TCHH: variants seen among roughly 807,000 people sequenced by gnomAD.
TCHH encodes the protein trichohyalin.
TCHH carries 6 observed loss-of-function variants against 6.3 expected under a neutral mutation model. The observed-to-expected ratio is 0.95, with a 90% CI of 0.52 to 1.88. The LOEUF is 1.88. Ranked by LOEUF, TCHH falls within the 40% of genes most tolerant of loss-of-function variation. The pLI is 0.01. For missense variants in TCHH, 2,920 were observed against 2,449.1 expected, an observed-to-expected ratio of 1.19 and a Z score of -4.06; for synonymous variants, 1,087 against 963.6, an observed-to-expected ratio of 1.13 and a Z score of -2.37.
rs757065975 is a variant in TCHH, at chr1:152,108,850, C to G, written c.4367G>C (p.Arg1456Pro). Residue 1456 changes from arginine to proline, a missense_variant, in exon 3 of 3, where the codon CGC becomes CCC. Transcript: ENST00000614923. ...GCGGAATTTTCTGTGACGCTCCTGG[C>G]GCAGCTGCTGTTCCTCCTCCAGGAA... ...RKFLEEEQQL[R>P]QERHRKFREE... 7.5e-6 allele frequency: 12 copies of G among 1,610,688 alleles called. No individual in the cohort carries two copies. The highest frequency in any genetic ancestry group is 1.0e-5 in the Non-Finnish European group (12 of 1,179,416).
chr1:152,111,164 G>A lies in TCHH; in HGVS notation c.2053C>T (p.Leu685=). 2 of 1,613,816 alleles carry A rather than the reference G, an allele frequency of 1.2e-6. No homozygotes were observed. The highest frequency in any genetic ancestry group is 1.7e-6 in the Non-Finnish European group (2 of 1,180,014). ...EHEEERREQE[L]AEEEQEQARE... ...GCCTGTTCCTGCTCCTCCTCAGCTA[G>A]CTCCTGCTCGCGCCTCTCTTCCTCA... The change falls in exon 3 of 3, where the codon CTA becomes TTA. Residue 685 remains leucine (L), a synonymous_variant. Coordinates refer to ENST00000614923, the MANE Select transcript of TCHH (RefSeq NM_007113.4).
At position 152,112,361 on chromosome 1, in the gene TCHH, G is replaced by A. The variant is rs749640421; in HGVS notation, c.856C>T (p.Leu286=). The change falls in exon 3 of 3, where the codon CTG becomes TTG. Residue 286 remains leucine (L), a synonymous_variant. Coordinates refer to ENST00000614923, the MANE Select transcript of TCHH (RefSeq NM_007113.4). ...EQLRKLERQE[L]RRERQEEEQQ... Reference sequence around the variant, plus strand: ...TCTTCCTCCTGGCGCTCCCTCCTCAGCTCTTGCCGCTCCAGCTTCCGTAGC... The same window carrying A: ...TCTTCCTCCTGGCGCTCCCTCCTCAACTCTTGCCGCTCCAGCTTCCGTAGC... The A allele has an allele frequency of 1.9e-6, 3 of 1,613,432 alleles. No individual in the cohort carries two copies. Among genetic ancestry groups the A allele is most frequent in the Admixed American group, 1.7e-5 (1 of 59,986 alleles).
intron 2 of TCHH, 85 bp downstream of exon 2, chr1:152,113,858 A>T: frequency 1.3e-6 from 2 of 1,501,186 alleles, no homozygotes; most frequent in South Asian, 1.3e-5. Flanking sequence ...ATGAATATAA[A>T]ACCACCATTC....
At position 152,112,500 on chromosome 1, in the gene TCHH, C is replaced by T. The variant is rs767481142; in HGVS notation, c.717G>A (p.Gln239=). The T allele has an allele frequency of 6.2e-7, 1 of 1,613,502 alleles. No homozygotes were observed. The highest frequency in any genetic ancestry group is 8.5e-7 in the Non-Finnish European group (1 of 1,179,970). The part of the protein sequence containing the change: ...QRRERQDRVF[Q]EEEEKEWRKR... Reference sequence around the variant, plus strand: ...TCCTCCACTCTTTCTCTTCTTCCTCCTGGAACACTCTGTCTTGCCGCTCTC... The same window carrying T: ...TCCTCCACTCTTTCTCTTCTTCCTCTTGGAACACTCTGTCTTGCCGCTCTC... The change falls in exon 3 of 3, where the codon CAG becomes CAA. Residue 239 remains glutamine (Q), a synonymous_variant. Coordinates refer to ENST00000614923, the MANE Select transcript of TCHH (RefSeq NM_007113.4).
Position 152,108,455 on chromosome 1 carries a change from C to T in TCHH, c.4762G>A (p.Val1588Met). 3.1e-6 allele frequency: 5 copies of T among 1,594,490 alleles called. No individual in the cohort carries two copies. The highest frequency in any genetic ancestry group is 4.3e-6 in the Non-Finnish European group (5 of 1,171,510). ...TTTCTCTCTTGTTCCTGGCGGCGCA[C>T]TTTCTGTTCCTCTAAACGGAATTTT... Reference protein sequence around the residue: ...DRKFRLEEQKVRRQEQERKFM... With the variant: ...DRKFRLEEQKMRRQEQERKFM... The change falls in exon 3 of 3, where the codon GTG becomes ATG. Residue 1588 changes from valine to methionine, a missense_variant. Physicochemically the swap from Val to Met is conservative, Grantham distance 21 (BLOSUM62 1). Transcript: ENST00000614923.
In TCHH at chr1:152,112,196, G is replaced by A. The variant is rs1658396667; in HGVS notation, c.1021C>T (p.Arg341Cys). The change falls in exon 3 of 3, where the codon CGC becomes TGC. Residue 341 changes from arginine (R) to cysteine (C), a missense_variant. Arg to Cys is a radical substitution (Grantham distance 180). Transcript: ENST00000614923. ...TGCTCGCGCCTCTCCTCCTGCTCGC[G>A]CCTCAGCTGCTGCTCGCGCCTCTCC... The part of the protein sequence containing the change: ...QEERREQQLR[R>C]EQEERREQQL... 6.3e-7 allele frequency: 1 copy of A among 1,577,476 alleles called. No homozygotes were observed.
rs992090925 is a variant in TCHH, at chr1:152,107,142, C to G, written c.*243G>C. 16 of 395,278 alleles carry G rather than the reference C, an allele frequency of 4.0e-5. No individual in the cohort carries two copies. The highest frequency in any genetic ancestry group is 5.4e-5 in the Non-Finnish European group (12 of 223,732). The allele number at this position is 395,278 out of a possible 1,614,324, so 24.5% of individuals were successfully genotyped here. ...GATTTATATTTTTTTTAAATGCACA[C>G]CACATCTGCATCAAAGAGCAAAAGA... On this transcript the variant is annotated 3_prime_UTR_variant, in exon 3 of 3. Coordinates refer to ENST00000614923, the MANE Select transcript of TCHH (RefSeq NM_007113.4).
Position 152,112,328 on chromosome 1 carries a change from G to A in TCHH, c.889C>T (p.Gln297Ter), listed in dbSNP as rs2101533481. 6.2e-7 allele frequency: 1 copy of A among 1,612,798 alleles called. No homozygotes were observed. Among genetic ancestry groups the A allele is most frequent in the East Asian group, 2.2e-5 (1 of 44,814 alleles). Residue 297 changes from glutamine to a stop codon, truncating the protein, a stop_gained, in exon 3 of 3, where the codon CAG becomes TAG. Coordinates refer to ENST00000614923, the MANE Select transcript of TCHH (RefSeq NM_007113.4). LOFTEE classifies it low-confidence loss of function (END_TRUNC). Reference protein sequence around the residue: ...RRERQEEEQQQQRLRREQQLR... With the variant: ...RRERQEEEQQ The stretch of plus-strand genomic sequence containing the variant: ...TGCTGCTCGCGCCTCAGCCTTTGCT[G>A]CTGCTGCTCTTCCTCCTGGCGCTCC...
At position 152,112,626 on chromosome 1, in the gene TCHH, T is replaced by A. The variant is rs1658417903; in HGVS notation, c.591A>T (p.Lys197Asn). 4 of 1,613,698 alleles carry A rather than the reference T, an allele frequency of 2.5e-6. No individual in the cohort carries two copies. The highest frequency in any genetic ancestry group is 3.4e-6 in the Non-Finnish European group (4 of 1,179,980). ...CTGGAAACTCCTCAGTTTCGTGACCTTTGCAACTCTGCAGCTGCTCTTCCT... is the reference window on the plus strand; with the variant it reads ...CTGGAAACTCCTCAGTTTCGTGACCATTGCAACTCTGCAGCTGCTCTTCCT... ...RAEEEQLQSCKGHETEEFPDE... is the reference protein window; with the variant it reads ...RAEEEQLQSCNGHETEEFPDE... Residue 197 changes from lysine to asparagine, a missense_variant, in exon 3 of 3, where the codon AAA (lysine) becomes AAT (asparagine). Physicochemically the swap from Lys to Asn is moderately conservative, Grantham distance 94. Coordinates refer to ENST00000614923, the MANE Select transcript of TCHH (RefSeq NM_007113.4).
chr1:152,110,397 T>C lies in TCHH; in HGVS notation c.2820A>G (p.Glu940=). 1 of 1,613,908 alleles carries C rather than the reference T, an allele frequency of 6.2e-7. No individual in the cohort carries two copies. ...CCCGTTCCTCTCTCAGCAGCTGCTC[T>C]TCCTCCTGCTGCAGCTGCTCTTCCT... ...YREEEQLQQE[E]EQLLREEREK... The change falls in exon 3 of 3, where the codon GAA becomes GAG. Residue 940 remains glutamate, a synonymous_variant. Transcript: ENST00000614923.
rs766064561 is a variant in TCHH at position 152,111,202 on chromosome 1, A to C, written c.2015T>G (p.Leu672Arg). ...EEEEERLEQRLKREHEEERRE... is the reference protein window; with the variant it reads ...EEEEERLEQRRKREHEEERRE... ...CCTCTCTTCCTCATGCTCGCGCTTCAGCCGCTGCTCGAGCCTCTCTTCCTC... is the reference window on the plus strand; with the variant it reads ...CCTCTCTTCCTCATGCTCGCGCTTCCGCCGCTGCTCGAGCCTCTCTTCCTC... The change falls in exon 3 of 3, where the codon CTG (leucine) becomes CGG (arginine). Residue 672 changes from leucine (L) to arginine (R), a missense_variant. Transcript: ENST00000614923. The C allele has an allele frequency of 3.1e-6, 5 of 1,609,416 alleles. No homozygotes were observed. The highest frequency in any genetic ancestry group is 1.7e-5 in the Admixed American group (1 of 59,608).
rs374719804 is a variant in TCHH at position 152,111,264 on chromosome 1, C to G, written c.1953G>C (p.Gln651His). The G allele has an allele frequency of 1.7e-5, 28 of 1,605,282 alleles. No homozygotes were observed. Among genetic ancestry groups the G allele is most frequent in the Non-Finnish European group, 2.3e-5 (27 of 1,175,350 alleles). The change falls in exon 3 of 3, where the codon CAG becomes CAC. Residue 651 changes from glutamine to histidine, a missense_variant. Physicochemically the swap from Gln to His is conservative, Grantham distance 24. Transcript: ENST00000614923. Reference protein sequence around the residue: ...ERRQQQLRREQQERREQRLKR... With the variant: ...ERRQQQLRREHQERREQRLKR... Reference sequence around the variant, plus strand: ...TCAGCCGCTGCTCGCGCCTTTCCTGCTGCTCGCGCCTTAGTTGCTGCTGGC... The same window carrying G: ...TCAGCCGCTGCTCGCGCCTTTCCTGGTGCTCGCGCCTTAGTTGCTGCTGGC...
Position 152,113,114 on chromosome 1 carries a change from A to G in TCHH, c.139-36T>C, listed in dbSNP as rs758162880. The G allele has an allele frequency of 3.3e-6, 5 of 1,534,430 alleles. No individual in the cohort carries two copies. The Admixed American group carries it at 8.2e-5, about 25-fold the overall frequency. On this transcript the variant is annotated intron_variant, in intron 2 of 2. Coordinates refer to ENST00000614923, the MANE Select transcript of TCHH (RefSeq NM_007113.4). ...GGTGAAAACAAAAATTTTACAATGC[A>G]CTATTTACAGGTGGTAAAATTATAT... is the stretch of plus-strand genomic sequence containing the variant.
In TCHH at chr1:152,111,056, A is replaced by G; in HGVS notation, c.2161T>C (p.Ser721Pro). 2 of 1,613,250 alleles carry G rather than the reference A, an allele frequency of 1.2e-6. No homozygotes were observed. Among genetic ancestry groups the G allele is most frequent in the Middle Eastern group, 3.3e-4 (2 of 6,062 alleles). The change falls in exon 3 of 3, where the codon TCG (serine) becomes CCG (proline). Residue 721 changes from serine to proline, a missense_variant. Coordinates refer to ENST00000614923, the MANE Select transcript of TCHH (RefSeq NM_007113.4). ...EADARQSKVY[S>P]RPRKQEGQRR... ...TGCCCTTCCTGCTTGCGGGGCCTCG[A>G]GTAGACTTTGCTTTGCCGTGCGTCG...
chr1:152,111,720 C>G lies in TCHH; in HGVS notation c.1497G>C (p.Gln499His), dbSNP rs1557812106. The G allele has an allele frequency of 1.2e-6, 2 of 1,601,118 alleles. No individual in the cohort carries two copies. Among genetic ancestry groups the G allele is most frequent in the Admixed American group, 3.4e-5 (2 of 58,810 alleles). The change falls in exon 3 of 3, where the codon CAG becomes CAC. Residue 499 changes from glutamine (Q) to histidine (H), a missense_variant. Gln to His is a conservative substitution (Grantham distance 24, BLOSUM62 0). Coordinates refer to ENST00000614923, the MANE Select transcript of TCHH (RefSeq NM_007113.4). ...TTAGTTGCTGCTCGCGCCTCTCCTG[C>G]TGCTCGCGCCTCTCCTCCTCCTCGA... ...LKLEEEERRE[Q>H]QERREQQLRR...
chr1:152,114,600 G>A (rs943795600), intron 1 of TCHH, among the ~76,000 whole-genome samples: 1 of 152,172 alleles, frequency 6.6e-6, no homozygotes, highest in African/African-American at 2.4e-5. Flanking sequence ...AAGGGAATAT[G>A]AATGATTCCT....
rs958518753 is a variant in TCHH at position 152,109,778 on chromosome 1, G to A, written c.3439C>T (p.Gln1147Ter). 1 of 1,580,836 alleles carries A rather than the reference G, an allele frequency of 6.3e-7. No homozygotes were observed. The highest frequency in any genetic ancestry group is 1.4e-5 in the African/African-American group (1 of 72,964). ...CTCAGCAGCTGCTCTTCCTCCTGCT[G>A]CACCTCCTCTTCCTCCCGATATTGC... ...ERQYREEEEV[Q>*]QEEEQLLREE... Residue 1147 changes from glutamine to a stop codon, truncating the protein, a stop_gained, in exon 3 of 3, where the codon CAG (glutamine) becomes TAG (stop). Coordinates refer to ENST00000614923, the MANE Select transcript of TCHH (RefSeq NM_007113.4). LOFTEE classifies it low-confidence loss of function (END_TRUNC).
rs1327735049 is a variant in TCHH at position 152,108,465 on chromosome 1, C to T, written c.4752G>A (p.Glu1584=). The stretch of plus-strand genomic sequence containing the variant: ...GTTCCTGGCGGCGCACTTTCTGTTC[C>T]TCTAAACGGAATTTTCTGTCACGCT... The part of the protein sequence containing the change: ...RQERDRKFRL[E]EQKVRRQEQE... Residue 1584 remains glutamate (E), a synonymous_variant, in exon 3 of 3, where the codon GAG becomes GAA. Transcript: ENST00000614923. 3 of 1,612,950 alleles carry T rather than the reference C, an allele frequency of 1.9e-6. No individual in the cohort carries two copies. Among genetic ancestry groups the T allele is most frequent in the South Asian group, 1.1e-5 (1 of 90,984 alleles).
Position 152,111,545 on chromosome 1 carries a change from G to A in TCHH, c.1672C>T (p.Leu558Phe). ...CGCTGCTCTCGCCTCTCCTGCTCGA[G>A]CCTCTTCTCCTCCTCGCGCTTCAGC... Reference protein sequence around the residue: ...QLLKREEEKRLEQERREQRLK... With the variant: ...QLLKREEEKRFEQERREQRLK... Residue 558 changes from leucine (L) to phenylalanine (F), a missense_variant, in exon 3 of 3, where the codon CTC (leucine) becomes TTC (phenylalanine). Coordinates refer to ENST00000614923, the MANE Select transcript of TCHH (RefSeq NM_007113.4). 1 of 1,579,306 alleles carries A rather than the reference G, an allele frequency of 6.3e-7. No individual in the cohort carries two copies. Among genetic ancestry groups the A allele is most frequent in the Non-Finnish European group, 8.6e-7 (1 of 1,160,434 alleles).
Sources: allele counts gnomAD v4.1 joint callset (sites outside exome capture counted in the v4.1 genomes callset), GRCh38; gene constraint gnomAD v4.1.1; transcripts MANE v1.5; gene names NCBI Gene and HGNC (gene_info 2026-07-23, HGNC 2026-07-21).